RXRA: variants seen among roughly 807,000 people sequenced by gnomAD.
RXRA encodes the protein retinoid X receptor alpha.
Under a neutral mutation model 44.5 loss-of-function variants are expected in RXRA, and 5 were observed. That is an observed-to-expected ratio of 0.11 (90% CI 0.06 to 0.24). The LOEUF is 0.24. Ranked by LOEUF, RXRA falls within the 10% of genes least tolerant of loss-of-function variation. RXRA has a pLI of 1.00. For missense variants in RXRA, 412 were observed against 646.5 expected, an observed-to-expected ratio of 0.64 and a Z score of 3.93; for synonymous variants, 291 against 271.4, an observed-to-expected ratio of 1.07 and a Z score of -0.71.
At chr9:134,412,615 G>T (rs1831167701) in intron 4 of RXRA, among the ~76,000 whole-genome samples, 1 of 152,200 alleles carries the variant, frequency 6.6e-6, no homozygotes, top group Non-Finnish European at 1.5e-5. Flanking sequence ...AGCATTCCCG[G>T]GACCAGGGGT....
rs35739725 is a variant in RXRA at position 134,414,812 on chromosome 9, G to A, written c.611-2346G>A. Among the ~76,000 whole-genome samples, 1,452 of 152,346 alleles carry A rather than the reference G, an allele frequency of 9.5e-3. 17 individuals carry two copies. The highest frequency in any genetic ancestry group is 0.033 in the African/African-American group (1,368 of 41,586). On this transcript the variant is annotated intron_variant, in intron 4 of 9. Transcript: ENST00000481739. ...CTCAGATGCTGGCTGAGATCTGCGT[G>A]TGCGGGGGCTTCCTGCCCCGGGGGC... is the stretch of plus-strand genomic sequence containing the variant.
At chr9:134,399,821 TGCAGTGCTGGCTGAATCTGA>T (rs1315923120) in intron 1 of RXRA, among the ~76,000 whole-genome samples, 1 of 152,242 alleles carries the variant, frequency 6.6e-6, no homozygotes, top group African/African-American at 2.4e-5. Flanking sequence ...GCCAGGCCCC[TGCAGTGCTGGCTGAATCTGA>T]GCAGTGCTGG....
intron 1 of RXRA, among the ~76,000 whole-genome samples, chr9:134,353,052 G>T (rs1304746742): frequency 6.6e-6 from 1 of 152,078 alleles, no homozygotes; most frequent in Non-Finnish European, 1.5e-5. Flanking sequence ...GGGGGTGCAG[G>T]CTGGGGGGAT....
Position 134,438,014 on chromosome 9 carries a change from G to A in RXRA, c.*1400G>A, listed in dbSNP as rs565109775. ...GGCTCTGCCCCCGGGCTCCGGTGGT[G>A]CGGGGCCCTCTCAGGTTGAACTCGC... On this transcript the variant is annotated 3_prime_UTR_variant, in exon 10 of 10. Coordinates refer to ENST00000481739, the MANE Select transcript of RXRA (RefSeq NM_002957.6). The A allele has an allele frequency of 2.6e-5, 4 of 152,718 alleles. No homozygotes were observed. The South Asian group carries it at 8.3e-4, about 32-fold the overall frequency. The allele number at this position is 152,718 out of a possible 1,614,324, so 9.5% of individuals were successfully genotyped here.
intron 1 of RXRA, among the ~76,000 whole-genome samples, chr9:134,368,915 GTGTGTGTGTGAGTGCGGGGGTTATGTA>G (rs1830450588): frequency 7.2e-6 from 1 of 138,864 alleles, no homozygotes; most frequent in Admixed American, 7.3e-5. Flanking sequence ...TGGGGGTTGT[GTGTGTGTGTGAGTGCGGGGGTTATGTA>G]TGTGTGTGAG....
At position 134,349,350 on chromosome 9, in the gene RXRA, G is replaced by A. The variant is rs1254354467; in HGVS notation, c.28+22691G>A. Among the ~76,000 whole-genome samples the A allele has an allele frequency of 6.6e-6, 1 of 152,184 alleles. No homozygotes were observed. Among genetic ancestry groups the A allele is most frequent in the Non-Finnish European group, 1.5e-5 (1 of 68,026 alleles). On this transcript the variant is annotated intron_variant, in intron 1 of 9. Transcript: ENST00000481739. This position sits in a 1 kb window ranked among gnomAD's most constrained non-coding sequence, Gnocchi z 4.3. ...TTGGGCCGGGGCGCCTCGGCCTGGTGGAGGGCTTCGCCGAGCTTGGTGGCA... is the reference window on the plus strand; with the variant it reads ...TTGGGCCGGGGCGCCTCGGCCTGGTAGAGGGCTTCGCCGAGCTTGGTGGCA...
chr9:134,341,034 C>T (rs1049597594), intron 1 of RXRA, among the ~76,000 whole-genome samples: 12 of 152,200 alleles, frequency 7.9e-5, no homozygotes, highest in East Asian at 5.8e-4. Context: ...ACCCTGGCCT[C>T]GTGCCCTCAC....
At chr9:134,339,837 CTGTGTG>C (rs10532880) in intron 1 of RXRA, among the ~76,000 whole-genome samples, 1 of 143,458 alleles carries the variant, frequency 7.0e-6, no homozygotes, top group Non-Finnish European at 1.5e-5. Flanking sequence ...GTGTGTGAGT[CTGTGTG>C]TGTGTGAGCC....
At chr9:134,356,891 G>C (rs181499394) in intron 1 of RXRA, among the ~76,000 whole-genome samples, 1 of 152,186 alleles carries the variant, frequency 6.6e-6, no homozygotes, top group African/African-American at 2.4e-5. Context: ...CTGGTAGAAA[G>C]TGTCTCCCGA....
At position 134,406,966 on chromosome 9, in the gene RXRA, C is replaced by T. The variant is rs1474750850; in HGVS notation, c.280-1183C>T. On this transcript the variant is annotated intron_variant, in intron 2 of 9. Coordinates refer to ENST00000481739, the MANE Select transcript of RXRA (RefSeq NM_002957.6). ...ATTTGGTGAGTCACACAGTGGCCAC[C>T]CGCTTCTCCAGTGGGAGCTTCATGG... Among the ~76,000 whole-genome samples, 6 of 152,314 alleles carry T rather than the reference C, an allele frequency of 3.9e-5. No individual in the cohort carries two copies. In the East Asian group the frequency reaches 1.2e-3, roughly 29 times the overall value.
chr9:134,425,556 G>A (rs1465252170), intron 6 of RXRA: 1 of 749,622 alleles, frequency 1.3e-6, no homozygotes, highest in African/African-American at 2.0e-5. Context: ...TGGGGGGTGG[G>A]GGGGGGTGAG....
At chr9:134,434,002 T>G in intron 8 of RXRA, 100 bp from the exon 9 acceptor site, 1 of 803,312 alleles carries the variant, frequency 1.2e-6, no homozygotes, top group Admixed American at 2.2e-5. Context: ...CTGCCCATGG[T>G]GGGGCAGCCT....
At position 134,372,306 on chromosome 9, in the gene RXRA, G is replaced by A. The variant is rs564288303; in HGVS notation, c.29-29326G>A. Among the ~76,000 whole-genome samples, 5 of 152,266 alleles carry A rather than the reference G, an allele frequency of 3.3e-5. No individual in the cohort carries two copies. In the South Asian group the frequency reaches 1.0e-3, roughly 32 times the overall value. On this transcript the variant is annotated intron_variant, in intron 1 of 9. Coordinates refer to ENST00000481739, the MANE Select transcript of RXRA (RefSeq NM_002957.6). Reference sequence around the variant, plus strand: ...GGGGAGGTGGAGGGCCGCAGCCAGGGCCTCAGCTGAGGGCCTCCTGGATGC... The same window carrying A: ...GGGGAGGTGGAGGGCCGCAGCCAGGACCTCAGCTGAGGGCCTCCTGGATGC...
intron 1 of RXRA, among the ~76,000 whole-genome samples, chr9:134,356,315 C>T (rs1002783878): frequency 2.0e-5 from 3 of 152,146 alleles, no homozygotes; most frequent in Non-Finnish European, 2.9e-5. Context: ...CCTTGCTCTC[C>T]TCATTGGTAA....
rs201091021 is a variant in RXRA, at chr9:134,425,219, C to T, written c.910+3414C>T. On this transcript the variant is annotated intron_variant, in intron 6 of 9. Transcript: ENST00000481739. ...GCCAGGCTGTGGGAGGTTGATGTCACACGTGTCTGCTCCTGTGGGGTAGGG... is the reference window on the plus strand; with the variant it reads ...GCCAGGCTGTGGGAGGTTGATGTCATACGTGTCTGCTCCTGTGGGGTAGGG... 5.3e-5 allele frequency: 52 copies of T among 985,378 alleles called. No homozygotes were observed. The East Asian group carries it at 4.2e-3, about 80-fold the overall frequency. The allele number at this position is 985,378 out of a possible 1,614,324, so 61.0% of individuals were successfully genotyped here. A position where few individuals can be genotyped will look rare whatever the true frequency, so the allele number is the denominator to read the frequency against.
chr9:134,412,355 C>A (rs1333690392), intron 4 of RXRA, among the ~76,000 whole-genome samples: 1 of 152,228 alleles, frequency 6.6e-6, no homozygotes, highest in African/African-American at 2.4e-5. Flanking sequence ...TAGAAACAGG[C>A]TGGAGCTGAG....
chr9:134,357,720 A>G (rs1037513011), intron 1 of RXRA, among the ~76,000 whole-genome samples: 3 of 152,246 alleles, frequency 2.0e-5, no homozygotes, highest in African/African-American at 7.2e-5. Flanking sequence ...TCCAGAACAC[A>G]AACATGCACC....
intron 1 of RXRA, among the ~76,000 whole-genome samples, chr9:134,333,162 C>A (rs1423578791): frequency 6.6e-6 from 1 of 152,118 alleles, no homozygotes; most frequent in African/African-American, 2.4e-5. Context: ...GTGGGACATT[C>A]AGGGGTCCTT....
At position 134,377,583 on chromosome 9, in the gene RXRA, C is replaced by T. The variant is rs115301808; in HGVS notation, c.29-24049C>T. 2.8e-3 allele frequency among the ~76,000 whole-genome samples: 434 copies of T among 152,326 alleles called. 1 individual carries two copies. Among genetic ancestry groups the T allele is most frequent in the African/African-American group, 9.8e-3 (407 of 41,578 alleles). ...CACACCCCCAGCTCCCGCGACCCCT[C>T]GGAGATATCCGTTTTCCCAACTTCC... is the stretch of plus-strand genomic sequence containing the variant. On this transcript the variant is annotated intron_variant, in intron 1 of 9. Coordinates refer to ENST00000481739, the MANE Select transcript of RXRA (RefSeq NM_002957.6).
Sources: allele counts gnomAD v4.1 joint callset (sites outside exome capture counted in the v4.1 genomes callset), GRCh38; gene constraint gnomAD v4.1.1; non-coding constraint Gnocchi (gnomAD v3.1); transcripts MANE v1.5; gene names NCBI Gene and HGNC (gene_info 2026-07-23, HGNC 2026-07-21).